The following SEC23IP variants were observed in gnomAD, a reference collection of about 807,000 sequenced individuals.
SEC23IP encodes the protein SEC23 interacting protein.
Under a neutral mutation model 113.4 loss-of-function variants are expected in SEC23IP, and 70 were observed. The observed-to-expected ratio is 0.62, with a 90% confidence interval of 0.51 to 0.75. The LOEUF is 0.75. Among genes scored for constraint, SEC23IP ranks in the 30% least tolerant of loss-of-function variants. The pLI, the probability that SEC23IP is intolerant of heterozygous loss-of-function variation, is 0.00. For missense variants in SEC23IP, 1,160 were observed against 1,204.9 expected, an observed-to-expected ratio of 0.96 and a Z score of 0.55; for synonymous variants, 398 against 421.0, an observed-to-expected ratio of 0.95 and a Z score of 0.67.
chr10:119,922,826 C>T (rs1306912433), intron 12 of SEC23IP, among the ~76,000 whole-genome samples: 1 of 152,072 alleles, frequency 6.6e-6, no homozygotes, highest in Non-Finnish European at 1.5e-5. Context: ...CTTTTCATCT[C>T]ACCTGAGCCT....
chr10:119,904,384 T>C (rs753907360), intron 4 of SEC23IP, 107 bp downstream of exon 4: 1 of 932,032 alleles, frequency 1.1e-6, no homozygotes, highest in Non-Finnish European at 1.7e-6. Flanking sequence ...ACAAGACAGC[T>C]TGTTTTGATG....
chr10:119,928,041 A>G (rs925716850), intron 13 of SEC23IP, among the ~76,000 whole-genome samples: 5 of 152,198 alleles, frequency 3.3e-5, no homozygotes, highest in Non-Finnish European at 7.3e-5. Context: ...ACGCTATTGT[A>G]AAGAATTAAT....
At chr10:119,893,053 A>G in intron 1 of SEC23IP, 108 bp downstream of exon 1, 1 of 1,267,730 alleles carries the variant, frequency 7.9e-7, no homozygotes, top group African/African-American at 1.5e-5. Context: ...CCCTCTGGAT[A>G]GCTTGCCAGG....
At chr10:119,904,466 A>G in intron 4 of SEC23IP, 189 bp downstream of exon 4, 5 of 581,390 alleles carry the variant, frequency 8.6e-6, no homozygotes, top group Non-Finnish European at 1.2e-5. Flanking sequence ...ATCTGTGTCT[A>G]AAGATAGAAT....
In SEC23IP at chr10:119,929,521, A is replaced by T. The variant is rs559452555; in HGVS notation, c.2314-86A>T. On this transcript the variant is annotated intron_variant, in intron 13 of 18. Coordinates refer to ENST00000369075, the MANE Select transcript of SEC23IP (RefSeq NM_007190.4). ...AGTGCTGGGATTACAGGCATGAGCC[A>T]CCACGCCCGGCCTGAAAATTCAAAA... 2.6e-4 allele frequency: 308 copies of T among 1,186,990 alleles called. 1 individual carries two copies. In the East Asian group the frequency reaches 7.1e-3, roughly 27 times the overall value. 73.5% of individuals were successfully genotyped at this position (1,186,990 alleles called of 1,614,324 possible). A position where few individuals can be genotyped will look rare whatever the true frequency, so the allele number is the denominator to read the frequency against.
At chr10:119,925,276 T>G (rs556059139) in intron 12 of SEC23IP, among the ~76,000 whole-genome samples, 78 of 152,322 alleles carry the variant, frequency 5.1e-4, no homozygotes, top group African/African-American at 1.8e-3. Context: ...TCTTCTGATT[T>G]CCTTCAATAT....
intron 1 of SEC23IP, among the ~76,000 whole-genome samples, chr10:119,895,840 C>T (rs1854265942): frequency 6.6e-6 from 1 of 152,152 alleles, no homozygotes; most frequent in Admixed American, 6.5e-5. Flanking sequence ...GTCCTCTGCC[C>T]CCAGTAGATC....
chr10:119,917,539 C>T (rs1008692512), intron 8 of SEC23IP, among the ~76,000 whole-genome samples: 3 of 152,042 alleles, frequency 2.0e-5, no homozygotes, highest in Non-Finnish European at 2.9e-5. Flanking sequence ...CCACCACACT[C>T]GGCTAATTTG....
intron 3 of SEC23IP, among the ~76,000 whole-genome samples, chr10:119,903,634 A>G (rs1318344303): frequency 6.6e-6 from 1 of 152,232 alleles, no homozygotes; most frequent in East Asian, 1.9e-4. Context: ...TGAGCAGCAC[A>G]GATTAATCTT....
intron 2 of SEC23IP, among the ~76,000 whole-genome samples, chr10:119,901,300 T>C (rs1413850765): frequency 6.6e-6 from 1 of 152,030 alleles, no homozygotes; most frequent in Non-Finnish European, 1.5e-5. Context: ...AACCATCGTG[T>C]CTATCCTCTA....
chr10:119,895,444 A>G (rs1284709880), intron 1 of SEC23IP, among the ~76,000 whole-genome samples: 3 of 152,196 alleles, frequency 2.0e-5, no homozygotes, highest in Admixed American at 6.5e-5. Flanking sequence ...AACCTGGGAG[A>G]CACAGAAGAG....
intron 18 of SEC23IP, among the ~76,000 whole-genome samples, chr10:119,935,332 G>C (rs1855740399): frequency 6.6e-6 from 1 of 151,990 alleles, no homozygotes; most frequent in African/African-American, 2.4e-5. Context: ...ATGGTAGTAG[G>C]TGCCTGTAAT....
Position 119,917,848 on chromosome 10 carries a change from A to G in SEC23IP, c.1557A>G (p.Lys519=), listed in dbSNP as rs151179954. Residue 519 remains lysine, a synonymous_variant, in exon 9 of 19, where the codon AAA becomes AAG. Coordinates refer to ENST00000369075, the MANE Select transcript of SEC23IP (RefSeq NM_007190.4). The part of the protein sequence containing the change: ...DATGVDRNIK[K]ITLPSIGRFR... ...TCTTTTTAAACAGGAATATTAAGAA[A>G]ATCACTTTGCCAAGTATTGGTCGAT... is the stretch of plus-strand genomic sequence containing the variant. The G allele has an allele frequency of 3.0e-4, 476 of 1,613,496 alleles. 1 individual carries two copies. Among genetic ancestry groups the G allele is most frequent in the Middle Eastern group, 8.3e-4 (5 of 6,056 alleles).
rs746900456 is a variant in SEC23IP at position 119,920,872 on chromosome 10, T to A, written c.2026-17T>A. Reference sequence around the variant, plus strand: ...ATCACTAGATTGATTAATGTGCTTGTCTGTTTCCTTTTAAAGCTTATGTGT... The same window carrying A: ...ATCACTAGATTGATTAATGTGCTTGACTGTTTCCTTTTAAAGCTTATGTGT... On this transcript the variant is annotated splice_polypyrimidine_tract_variant and intron_variant, in intron 11 of 18. Coordinates refer to ENST00000369075, the MANE Select transcript of SEC23IP (RefSeq NM_007190.4). 6.6e-7 allele frequency: 1 copy of A among 1,525,570 alleles called. No homozygotes were observed. Among genetic ancestry groups the A allele is most frequent in the South Asian group, 1.1e-5 (1 of 87,344 alleles). 94.5% of individuals were successfully genotyped at this position (1,525,570 alleles called of 1,614,324 possible). A position where few individuals can be genotyped will look rare whatever the true frequency, so the allele number is the denominator to read the frequency against.
chr10:119,936,825 C>G (rs1855803257), intron 18 of SEC23IP, among the ~76,000 whole-genome samples: 1 of 151,686 alleles, frequency 6.6e-6, no homozygotes, highest in African/African-American at 2.4e-5. Flanking sequence ...GTTGCCTGTT[C>G]ATGACCTTTG....
intron 2 of SEC23IP, among the ~76,000 whole-genome samples, chr10:119,900,039 CT>C (rs1190816664): frequency 7.2e-5 from 11 of 151,748 alleles, no homozygotes; most frequent in Non-Finnish European, 1.6e-4. Context: ...TCTTCCCTCC[CT>C]TCCCCTCATC....
chr10:119,903,987 T>C, intron 3 of SEC23IP, 97 bp from the exon 4 acceptor site: 1 of 1,325,264 alleles, frequency 7.5e-7, no homozygotes, highest in Non-Finnish European at 1.0e-6. Context: ...CCCAGGGTGC[T>C]GGGATTACAG....
intron 5 of SEC23IP, 104 bp downstream of exon 5, chr10:119,909,234 T>C: frequency 1.4e-6 from 1 of 690,408 alleles, no homozygotes; most frequent in South Asian, 1.9e-5. Flanking sequence ...AGTGGGAATG[T>C]TTTTGTAACA....
At chr10:119,925,427 A>G (rs1214578702) in intron 12 of SEC23IP, among the ~76,000 whole-genome samples, 6 of 152,188 alleles carry the variant, frequency 3.9e-5, no homozygotes, top group East Asian at 1.9e-4. Flanking sequence ...CTGTCTTGCT[A>G]TACTTTCTTT....
Sources: allele counts gnomAD v4.1 joint callset (sites outside exome capture counted in the v4.1 genomes callset), GRCh38; gene constraint gnomAD v4.1.1; transcripts MANE v1.5; gene names NCBI Gene and HGNC (gene_info 2026-07-23, HGNC 2026-07-21).